EPB41L3: variants seen among roughly 807,000 people sequenced by gnomAD.
EPB41L3 encodes the protein erythrocyte membrane protein band 4.1 like 3.
EPB41L3 carries 57 observed loss-of-function variants against 127.1 expected under a neutral mutation model. The ratio of observed to expected loss-of-function variants is 0.45; its 90% CI spans 0.36 to 0.56. EPB41L3 has a LOEUF of 0.56. Ranked by LOEUF, EPB41L3 falls within the 20% of genes least tolerant of loss-of-function variation. EPB41L3 has a pLI of 0.00. For synonymous variants in EPB41L3, 572 were observed against 549.5 expected (o/e 1.04, Z -0.57); for missense variants, 1,273 against 1,372.2 (o/e 0.93, Z 1.14).
intron 1 of EPB41L3, among the ~76,000 whole-genome samples, chr18:5,496,493 T>G (rs905927876): frequency 6.6e-6 from 1 of 152,226 alleles, no homozygotes; most frequent in African/African-American, 2.4e-5. Context: ...AGGGTTCCCC[T>G]GGGGGCAAAA....
rs1290637420 is a variant in EPB41L3, at chr18:5,430,413, A to C, written c.913-1948T>G. 6.6e-5 allele frequency among the ~76,000 whole-genome samples: 10 copies of C among 152,292 alleles called. No homozygotes were observed. In the East Asian group the frequency reaches 1.5e-3, roughly 24 times the overall value. On this transcript the variant is annotated intron_variant, in intron 8 of 22. Transcript: ENST00000341928. ...TACACATTTGTTGAAATAGAGGTTA[A>C]TGAAAAATGAAAACGGCACAAACGA... is the stretch of plus-strand genomic sequence containing the variant.
chr18:5,467,379 T>C (rs1378970841), intron 3 of EPB41L3: 1 of 135,648 alleles, frequency 7.4e-6, no homozygotes, highest in East Asian at 2.5e-4. Flanking sequence ...GATGATACTC[T>C]GCCCACTGAC....
intron 3 of EPB41L3, among the ~76,000 whole-genome samples, chr18:5,468,627 G>A (rs577735616): frequency 5.3e-5 from 8 of 152,302 alleles, no homozygotes; most frequent in Non-Finnish European, 8.8e-5. Context: ...ACTGCTCTCC[G>A]CTGACAGCTG....
At chr18:5,588,429 T>G (rs2143458248) in intron 3 of EPB41L3, among the ~76,000 whole-genome samples, 1 of 152,170 alleles carries the variant, frequency 6.6e-6, no homozygotes, top group South Asian at 2.1e-4. Context: ...TACATATACT[T>G]AAATACATAT....
chr18:5,398,326 T>C, intron 16 of EPB41L3, 183 bp from the exon 17 acceptor site: 1 of 701,656 alleles, frequency 1.4e-6, no homozygotes, highest in Non-Finnish European at 2.4e-6. Flanking sequence ...GGTGCTCTTG[T>C]TTGGTAAAGC....
chr18:5,436,557 C>T (rs1000249452), intron 6 of EPB41L3, among the ~76,000 whole-genome samples: 45 of 151,922 alleles, frequency 3.0e-4, no homozygotes, highest in South Asian at 8.3e-4. Context: ...TTCAGGCGCC[C>T]GCCACGATGC....
intron 1 of EPB41L3, among the ~76,000 whole-genome samples, chr18:5,616,327 T>C (rs1485683864): frequency 6.6e-6 from 1 of 152,144 alleles, no homozygotes; most frequent in African/African-American, 2.4e-5. Flanking sequence ...TCAGCCTCCC[T>C]TGTGAATCCT....
chr18:5,472,232 T>C (rs1202740072), intron 3 of EPB41L3, among the ~76,000 whole-genome samples: 1 of 152,202 alleles, frequency 6.6e-6, no homozygotes, highest in Non-Finnish European at 1.5e-5. Flanking sequence ...TAAGATTTAA[T>C]GGTAATTGTG....
intron 3 of EPB41L3, among the ~76,000 whole-genome samples, chr18:5,573,544 A>G (rs1256267141): frequency 6.6e-6 from 1 of 152,186 alleles, no homozygotes; most frequent in African/African-American, 2.4e-5. Context: ...ATTTACTCAT[A>G]TATGTAGATC....
At chr18:5,418,441 G>A (rs2077075008) in intron 12 of EPB41L3, among the ~76,000 whole-genome samples, 1 of 152,134 alleles carries the variant, frequency 6.6e-6, no homozygotes, top group South Asian at 2.1e-4. Context: ...ATCTTATGTT[G>A]GCATGGCGAG....
intron 3 of EPB41L3, among the ~76,000 whole-genome samples, chr18:5,607,459 C>T (rs571842175): frequency 2.6e-5 from 4 of 152,298 alleles, no homozygotes; most frequent in Admixed American, 2.0e-4. Flanking sequence ...CTCTGCTTTT[C>T]ATGTCCCTCT....
intron 3 of EPB41L3, among the ~76,000 whole-genome samples, chr18:5,465,664 ACT>A (rs375360693): frequency 2.6e-5 from 4 of 152,108 alleles, no homozygotes; most frequent in Admixed American, 1.3e-4. Context: ...CATAACATTC[ACT>A]CTCTCTATCA....
chr18:5,425,068 G>A (rs1019951535), intron 9 of EPB41L3, among the ~76,000 whole-genome samples: 2 of 152,140 alleles, frequency 1.3e-5, no homozygotes, highest in South Asian at 2.1e-4. Context: ...TACTGCAGAT[G>A]CACAGGTTTT....
At chr18:5,562,365 G>A (rs561870692) in intron 3 of EPB41L3, among the ~76,000 whole-genome samples, 1 of 152,176 alleles carries the variant, frequency 6.6e-6, no homozygotes. Flanking sequence ...TCCACATTGA[G>A]TGGTAACTTG....
At chr18:5,423,653 A>G (rs778680134) in intron 10 of EPB41L3, 100 bp from the exon 11 acceptor site, 2 of 1,099,094 alleles carry the variant, frequency 1.8e-6, no homozygotes, top group Non-Finnish European at 2.5e-6. Flanking sequence ...TTTGCATGCT[A>G]AACATTTAAC....
At chr18:5,522,050 T>G (rs1244914787) in intron 1 of EPB41L3, among the ~76,000 whole-genome samples, 1 of 152,158 alleles carries the variant, frequency 6.6e-6, no homozygotes, top group Non-Finnish European at 1.5e-5. Flanking sequence ...GCAAAAGGGT[T>G]ATCTTTAGAA....
intron 3 of EPB41L3, among the ~76,000 whole-genome samples, chr18:5,598,627 A>G (rs541007370): frequency 3.4e-4 from 52 of 152,242 alleles, no homozygotes; most frequent in South Asian, 6.2e-4. Flanking sequence ...TAGATAATAC[A>G]GTATTAGAAT....
intron 2 of EPB41L3, among the ~76,000 whole-genome samples, chr18:5,486,227 A>T (rs1048816561): frequency 6.6e-6 from 1 of 152,272 alleles, no homozygotes; most frequent in Admixed American, 6.5e-5. Flanking sequence ...TGCCAAGAAC[A>T]TTCAATAGAG....
chr18:5,549,224 GT>G (rs763499045), upstream of EPB41L3, among the ~76,000 whole-genome samples: 3 of 152,114 alleles, frequency 2.0e-5, no homozygotes, highest in South Asian at 2.1e-4. Context: ...TTTCCAGCAT[GT>G]TTTTTTTCCC....
Sources: allele counts gnomAD v4.1 joint callset (sites outside exome capture counted in the v4.1 genomes callset), GRCh38; gene constraint gnomAD v4.1.1; transcripts MANE v1.5; gene names NCBI Gene and HGNC (gene_info 2026-07-23, HGNC 2026-07-21).